The following EHMT1 variants were observed in gnomAD, a reference collection of about 807,000 sequenced individuals.
EHMT1 encodes euchromatic histone lysine methyltransferase 1.
EHMT1 carries 15 observed loss-of-function variants against 147.2 expected under a neutral mutation model. That is an observed-to-expected ratio of 0.10 (90% confidence interval 0.07 to 0.16). The LOEUF (loss-of-function observed/expected upper bound fraction) is 0.16. Ranked by LOEUF, EHMT1 falls within the 10% of genes least tolerant of loss-of-function variation. The probability of loss-of-function intolerance (pLI) is 1.00; values close to 1 mark genes in which losing one functional copy is unlikely to be tolerated. For synonymous variants in EHMT1, 795 were observed against 709.6 expected (o/e 1.12, Z -1.91); for missense variants, 1,587 against 1,772.4 (o/e 0.90, Z 1.88).
At chr9:137,777,451 C>T (rs1951043829) in intron 12 of EHMT1, 1 of 219,470 alleles carries the variant, frequency 4.6e-6, no homozygotes, top group South Asian at 7.2e-5. Context: ...TGTTACTACC[C>T]AGCAGAACAA....
At chr9:137,760,816 T>C (rs766258139) in intron 9 of EHMT1, among the ~76,000 whole-genome samples, 70 of 152,216 alleles carry the variant, frequency 4.6e-4, no homozygotes, top group Non-Finnish European at 9.0e-4. Flanking sequence ...GAGACCATCC[T>C]GGCTAACACA....
intron 15 of EHMT1, chr9:137,784,280 C>G (rs1482324532): frequency 6.8e-7 from 1 of 1,469,938 alleles, no homozygotes; most frequent in African/African-American, 1.4e-5. Flanking sequence ...GGGCTGACTC[C>G]GCCTTTCAGA....
Position 137,787,287 on chromosome 9 carries a change from G to GAT in EHMT1, c.2383-3560_2383-3559dup, listed in dbSNP as rs1201618068. On this transcript the variant is annotated intron_variant, in intron 15 of 26. Transcript: ENST00000460843. This position sits in a 1 kb window ranked among gnomAD's most constrained non-coding sequence, Gnocchi z 4.2. ...CCAAGACCACGTAGGGTCCAGTCTT[G>GAT]ATTCCCTAACCCCTTTTCCTGAAAA... 1 of 154,928 alleles carries GAT rather than the reference G, an allele frequency of 6.5e-6. No individual in the cohort carries two copies. The highest frequency in any genetic ancestry group is 1.9e-4 in the East Asian group (1 of 5,240). 9.6% of individuals were successfully genotyped at this position (154,928 alleles called of 1,614,324 possible). A position where few individuals can be genotyped will look rare whatever the true frequency, so the allele number is the denominator to read the frequency against.
intron 1 of EHMT1, among the ~76,000 whole-genome samples, chr9:137,701,073 AC>A (rs1220312151): frequency 1.3e-5 from 2 of 152,128 alleles, no homozygotes; most frequent in African/African-American, 4.8e-5. Flanking sequence ...ACACTTTCCA[AC>A]AACCAGGTCT....
intron 25 of EHMT1, among the ~76,000 whole-genome samples, chr9:137,833,915 C>T (rs915423852): frequency 4.6e-5 from 7 of 152,242 alleles, no homozygotes; most frequent in African/African-American, 1.4e-4. Flanking sequence ...CAGTGTGTCC[C>T]GGATGCCAGC....
At position 137,718,059 on chromosome 9, in the gene EHMT1, C is replaced by T. The variant is rs539134017; in HGVS notation, c.642+877C>T. ...TTTCACACGCAGGGTGCGCCCACCC[C>T]TCACGCACTGTGATGATTTTCACAC... On this transcript the variant is annotated intron_variant, in intron 3 of 26. Transcript: ENST00000460843. 2.0e-5 allele frequency among the ~76,000 whole-genome samples: 3 copies of T among 152,002 alleles called. No homozygotes were observed. The South Asian group carries it at 6.2e-4, about 32-fold the overall frequency.
intron 25 of EHMT1, among the ~76,000 whole-genome samples, chr9:137,826,445 G>A (rs868484633): frequency 4.2e-4 from 64 of 152,340 alleles, no homozygotes; most frequent in African/African-American, 1.5e-3. Flanking sequence ...CACCCCAGCT[G>A]ACTTTAGCCT....
rs1564747972 is a variant in EHMT1 at position 137,781,011 on chromosome 9, T to TGTGTGGTGATGACGCCGAGAC, written c.2276-1241_2276-1221dup. On this transcript the variant is annotated intron_variant, in intron 14 of 26. Coordinates refer to ENST00000460843, the MANE Select transcript of EHMT1 (RefSeq NM_024757.5). ...GGGATGTGTGGTGATGACGCCGGGA[T>TGTGTGGTGATGACGCCGAGAC]GTGTGGTGATGACGCCGAGACGTGT... Among the ~76,000 whole-genome samples the TGTGTGGTGATGACGCCGAGAC allele has an allele frequency of 6.6e-4, 21 of 31,974 alleles. 1 individual carries two copies. Among genetic ancestry groups the TGTGTGGTGATGACGCCGAGAC allele is most frequent in the Admixed American group, 1.3e-3 (3 of 2,372 alleles). The allele number at this position is 31,974 out of a possible 152,430, so 21.0% of individuals were successfully genotyped here. A position where few individuals can be genotyped will look rare whatever the true frequency, so the allele number is the denominator to read the frequency against.
At chr9:137,760,556 C>T (rs2136314466) in intron 9 of EHMT1, among the ~76,000 whole-genome samples, 1 of 152,308 alleles carries the variant, frequency 6.6e-6, no homozygotes, top group Admixed American at 6.5e-5. Context: ...TTAGGAAGTG[C>T]CTCCTGCACA....
chr9:137,780,608 GGATGTGTGGTGATGACGCTGA>G (rs1951359058), intron 14 of EHMT1, among the ~76,000 whole-genome samples: 13 of 119,814 alleles, frequency 1.1e-4, no homozygotes, highest in Middle Eastern at 5.8e-3. Context: ...GATGACGCTG[GGATGTGTGGTGATGACGCTGA>G]GATGTGTGGT....
In EHMT1 at chr9:137,717,629, G is replaced by A. The variant is rs765517430; in HGVS notation, c.642+447G>A. Among the ~76,000 whole-genome samples the A allele has an allele frequency of 7.7e-3, 1,078 of 139,170 alleles. 13 individuals are homozygous for A. Among genetic ancestry groups the A allele is most frequent in the Non-Finnish European group, 0.01 (681 of 64,902 alleles). 91.3% of individuals were successfully genotyped at this position (139,170 alleles called of 152,430 possible). A position where few individuals can be genotyped will look rare whatever the true frequency, so the allele number is the denominator to read the frequency against. On this transcript the variant is annotated intron_variant, in intron 3 of 26. Transcript: ENST00000460843. Reference sequence around the variant, plus strand: ...TCAAAAAAAAAAAAAAAAAAAAAGAGATGCTGCTAATGCCTTGTGCGTGAG... The same window carrying A: ...TCAAAAAAAAAAAAAAAAAAAAAGAAATGCTGCTAATGCCTTGTGCGTGAG...
intron 4 of EHMT1, among the ~76,000 whole-genome samples, chr9:137,729,078 C>T (rs543404909): frequency 6.8e-4 from 103 of 152,172 alleles, no homozygotes; most frequent in African/African-American, 2.3e-3. Flanking sequence ...TCAGAGTGAG[C>T]GCTGCGTCAG....
chr9:137,774,125 A>T (rs1404776874), intron 10 of EHMT1, among the ~76,000 whole-genome samples: 2 of 152,174 alleles, frequency 1.3e-5, no homozygotes, highest in Non-Finnish European at 2.9e-5. Flanking sequence ...TGGGGCTCCC[A>T]CAGATTCATT....
intron 1 of EHMT1, among the ~76,000 whole-genome samples, chr9:137,678,654 A>G (rs1454621856): frequency 6.6e-6 from 1 of 151,866 alleles, no homozygotes; most frequent in African/African-American, 2.4e-5. Context: ...TTAGACACAT[A>G]TACCGATGGT....
Position 137,775,257 on chromosome 9 carries a change from G to A in EHMT1, c.1791+5G>A. ...TGTGGCTACTTCTGCACAGCGGTAAGAGCCCAGTCCGGCAGCCTCTGAGTC... is the reference window on the plus strand; with the variant it reads ...TGTGGCTACTTCTGCACAGCGGTAAAAGCCCAGTCCGGCAGCCTCTGAGTC... On this transcript the variant is annotated splice_donor_5th_base_variant and intron_variant, in intron 11 of 26. Coordinates refer to ENST00000460843, the MANE Select transcript of EHMT1 (RefSeq NM_024757.5). This position sits in a 1 kb window ranked among gnomAD's most constrained non-coding sequence, Gnocchi z 6.1. 1 of 1,609,638 alleles carries A rather than the reference G, an allele frequency of 6.2e-7. No individual in the cohort carries two copies. Among genetic ancestry groups the A allele is most frequent in the Non-Finnish European group, 8.5e-7 (1 of 1,179,830 alleles).
chr9:137,705,120 G>A (rs546570114), intron 1 of EHMT1, among the ~76,000 whole-genome samples: 29 of 152,140 alleles, frequency 1.9e-4, no homozygotes, highest in African/African-American at 6.5e-4. Flanking sequence ...CTCCCAAGTA[G>A]CTGGGACTAC....
intron 1 of EHMT1, among the ~76,000 whole-genome samples, chr9:137,684,822 T>C (rs978190863): frequency 7.2e-5 from 11 of 152,222 alleles, no homozygotes; most frequent in African/African-American, 2.7e-4. Context: ...AATTATGATA[T>C]AACTAGTCAA....
At chr9:137,691,066 T>C (rs1942887206) in intron 1 of EHMT1, among the ~76,000 whole-genome samples, 1 of 152,158 alleles carries the variant, frequency 6.6e-6, no homozygotes, top group African/African-American at 2.4e-5. Flanking sequence ...CATTTCAAGC[T>C]GAAACTCTGT....
intron 4 of EHMT1, 181 bp downstream of exon 4, chr9:137,728,710 T>C: frequency 1.4e-6 from 1 of 726,168 alleles, no homozygotes; most frequent in Non-Finnish European, 2.4e-6. Context: ...ACCTCTGCTC[T>C]AAGCCTTGTC....
Sources: allele counts gnomAD v4.1 joint callset (sites outside exome capture counted in the v4.1 genomes callset), GRCh38; gene constraint gnomAD v4.1.1; non-coding constraint Gnocchi (gnomAD v3.1); transcripts MANE v1.5; gene names NCBI Gene and HGNC (gene_info 2026-07-23, HGNC 2026-07-21).